PDILT: variants seen among roughly 807,000 people sequenced by gnomAD.
The protein encoded by PDILT is protein disulfide isomerase like, testis expressed.
In PDILT, 43 loss-of-function variants were observed where a neutral mutation model predicts 53.7. The ratio of observed to expected loss-of-function variants is 0.80; its 90% CI spans 0.63 to 1.03. The LOEUF is 1.03. PDILT is among the 50% of genes least tolerant of loss of function. PDILT has a pLI of 0.00. For synonymous variants in PDILT, 282 were observed against 274.2 expected (o/e 1.03, Z -0.28); for missense variants, 727 against 712.3 (o/e 1.02, Z -0.24).
chr16:20,368,503 G>T (rs1009400633), intron 8 of PDILT, among the ~76,000 whole-genome samples: 1 of 152,164 alleles, frequency 6.6e-6, no homozygotes, highest in Non-Finnish European at 1.5e-5. Context: ...CTGTGTCTCT[G>T]GGAGAATGGA....
intron 3 of PDILT, among the ~76,000 whole-genome samples, chr16:20,376,701 C>T (rs142371841): frequency 6.6e-6 from 1 of 152,200 alleles, no homozygotes; most frequent in African/African-American, 2.4e-5. Context: ...CTATTATCTT[C>T]CTGCAGCCCC....
At chr16:20,399,815 T>C (rs553459752) in intron 1 of PDILT, among the ~76,000 whole-genome samples, 33 of 151,698 alleles carry the variant, frequency 2.2e-4, no homozygotes, top group Non-Finnish European at 4.4e-4. Context: ...TGAACAAATT[T>C]TATCAAGTGT....
intron 8 of PDILT, among the ~76,000 whole-genome samples, chr16:20,365,773 T>C (rs999052828): frequency 1.3e-5 from 2 of 152,078 alleles, no homozygotes; most frequent in Non-Finnish European, 2.9e-5. Flanking sequence ...CTGGGATGGA[T>C]TCTCAGATTT....
At chr16:20,387,388 C>T (rs1966553025) in intron 2 of PDILT, among the ~76,000 whole-genome samples, 1 of 152,128 alleles carries the variant, frequency 6.6e-6, no homozygotes, top group Non-Finnish European at 1.5e-5. Context: ...GAGAGAATTC[C>T]TGGTAAAGGG....
At chr16:20,392,331 T>C (rs1371961644) in intron 2 of PDILT, among the ~76,000 whole-genome samples, 1 of 152,080 alleles carries the variant, frequency 6.6e-6, no homozygotes, top group Non-Finnish European at 1.5e-5. Context: ...CGTGGACATG[T>C]GGCAATGTCC....
Position 20,392,883 on chromosome 16 carries a change from T to C in PDILT, c.202+6216A>G, listed in dbSNP as rs147428045. Among the ~76,000 whole-genome samples the C allele has an allele frequency of 5.3e-3, 813 of 152,348 alleles. 16 individuals carry two copies. In the South Asian group the frequency reaches 0.062, roughly 12 times the overall value. ...GAACCATGAACTCACCCTTCTGCCCTGGTTAAAACAGAGCAGAGCCTTCTA... is the reference window on the plus strand; with the variant it reads ...GAACCATGAACTCACCCTTCTGCCCCGGTTAAAACAGAGCAGAGCCTTCTA... On this transcript the variant is annotated intron_variant, in intron 2 of 11. Coordinates refer to ENST00000302451, the MANE Select transcript of PDILT (RefSeq NM_174924.2).
At chr16:20,388,504 A>C (rs1567329325) in intron 2 of PDILT, among the ~76,000 whole-genome samples, 1 of 152,212 alleles carries the variant, frequency 6.6e-6, no homozygotes, top group African/African-American at 2.4e-5. Flanking sequence ...TAATGGGGGC[A>C]TGTTTTTCAT....
intron 3 of PDILT, among the ~76,000 whole-genome samples, chr16:20,380,894 A>T (rs1966452446): frequency 6.6e-6 from 1 of 152,192 alleles, no homozygotes; most frequent in Non-Finnish European, 1.5e-5. Flanking sequence ...GGACCGAGGT[A>T]GTTATGAACT....
At chr16:20,366,042 A>G (rs1157667793) in intron 8 of PDILT, among the ~76,000 whole-genome samples, 1 of 147,934 alleles carries the variant, frequency 6.8e-6, no homozygotes, top group Non-Finnish European at 1.5e-5. Flanking sequence ...GTGAGCAGAG[A>G]TTGCGCTACT....
intron 3 of PDILT, among the ~76,000 whole-genome samples, chr16:20,376,583 T>G (rs1322833563): frequency 6.6e-6 from 1 of 152,264 alleles, no homozygotes; most frequent in Non-Finnish European, 1.5e-5. Flanking sequence ...ATTTCCAGAC[T>G]TCTTTTCTTA....
rs372654993 is a variant in PDILT, at chr16:20,399,349, G to A, written c.-7-42C>T. 99 of 1,595,024 alleles carry A rather than the reference G, an allele frequency of 6.2e-5. No individual in the cohort carries two copies. In the African/African-American group the frequency reaches 1.2e-3, roughly 20 times the overall value. ...AGGAACAGAGACCTTATCAACACAG[G>A]TGGTGGAGCCCCACGTCATCACCCC... On this transcript the variant is annotated intron_variant, in intron 1 of 11. Transcript: ENST00000302451.
chr16:20,381,407 C>T (rs1362965721), intron 3 of PDILT, among the ~76,000 whole-genome samples: 2 of 152,036 alleles, frequency 1.3e-5, no homozygotes, highest in Non-Finnish European at 2.9e-5. Context: ...GAGGCCGAGA[C>T]AGGTGGATCA....
At chr16:20,366,555 A>C (rs1050945681) in intron 8 of PDILT, among the ~76,000 whole-genome samples, 1 of 152,230 alleles carries the variant, frequency 6.6e-6, no homozygotes, top group African/African-American at 2.4e-5. Context: ...GAATGTCATA[A>C]GAGATTTTTC....
rs2141629341 is a variant in PDILT, at chr16:20,404,605, A to T, written c.-117T>A. The T allele has an allele frequency of 6.6e-6, 1 of 152,382 alleles. No homozygotes were observed. Among genetic ancestry groups the T allele is most frequent in the South Asian group, 2.1e-4 (1 of 4,824 alleles). 9.4% of individuals were successfully genotyped at this position (152,382 alleles called of 1,614,324 possible). On this transcript the variant is annotated 5_prime_UTR_variant, in exon 1 of 12. Coordinates refer to ENST00000302451, the MANE Select transcript of PDILT (RefSeq NM_174924.2). ...TAAGAAGGAAGGTTGTAGCCTGAAGAGGAGGCTCCTGGCTTCTCCTTGTGA... is the reference window on the plus strand; with the variant it reads ...TAAGAAGGAAGGTTGTAGCCTGAAGTGGAGGCTCCTGGCTTCTCCTTGTGA...
intron 3 of PDILT, among the ~76,000 whole-genome samples, chr16:20,383,139 TG>T (rs1405232145): frequency 6.6e-6 from 1 of 152,170 alleles, no homozygotes; most frequent in Admixed American, 6.5e-5. Context: ...TCAAATGCCT[TG>T]GGGACCTTCT....
intron 8 of PDILT, among the ~76,000 whole-genome samples, chr16:20,367,368 C>G (rs1054313371): frequency 1.3e-5 from 2 of 152,140 alleles, no homozygotes; most frequent in African/African-American, 2.4e-5. Flanking sequence ...TGTCCTCCCT[C>G]ACCACACCCG....
chr16:20,366,470 T>C (rs1384286771), intron 8 of PDILT, among the ~76,000 whole-genome samples: 1 of 152,230 alleles, frequency 6.6e-6, no homozygotes, highest in East Asian at 1.9e-4. Flanking sequence ...CTTTTTCTTG[T>C]ATCACTTATT....
At chr16:20,372,695 T>C in intron 7 of PDILT, 107 bp downstream of exon 7, 1 of 1,350,100 alleles carries the variant, frequency 7.4e-7, no homozygotes, top group Non-Finnish European at 1.0e-6. Flanking sequence ...AGTGCCAATC[T>C]TTCCTGATTC....
rs756352839 is a variant in PDILT, at chr16:20,359,459, C to T, written c.1615G>A (p.Glu539Lys). ...GLPEQQSPEL[E>K]NMTKYVSKLE... ...TTGGATACGTACTTGGTCATGTTCT[C>T]CAGCTCAGGCGACTGCTGTTCAGGT... The change falls in exon 12 of 12, where the codon GAG becomes AAG. Residue 539 changes from glutamate to lysine, a missense_variant. Transcript: ENST00000302451. 17 of 1,614,170 alleles carry T rather than the reference C, an allele frequency of 1.1e-5. No individual in the cohort carries two copies. In the South Asian group the frequency reaches 1.8e-4, roughly 17 times the overall value.
Sources: allele counts gnomAD v4.1 joint callset (sites outside exome capture counted in the v4.1 genomes callset), GRCh38; gene constraint gnomAD v4.1.1; transcripts MANE v1.5; gene names NCBI Gene and HGNC (gene_info 2026-07-23, HGNC 2026-07-21).